Variants in SPINK5 observed in about 807,000 individuals in gnomAD.
SPINK5 encodes serine peptidase inhibitor Kazal type 5.
A neutral mutation model predicts 151.8 loss-of-function variants in SPINK5; 125 were observed. The ratio of observed to expected loss-of-function variants is 0.82; its 90% CI spans 0.71 to 0.96. SPINK5 has a LOEUF of 0.96. Ranked by LOEUF, SPINK5 falls within the 40% of genes least tolerant of loss-of-function variation. The probability of loss-of-function intolerance (pLI) is 0.00; values close to 1 mark genes in which losing one functional copy is unlikely to be tolerated. For synonymous variants in SPINK5, 374 were observed against 395.3 expected, an observed-to-expected ratio of 0.95 and a Z score of 0.64; for missense variants, 1,194 against 1,291.9, an observed-to-expected ratio of 0.92 and a Z score of 1.16.
intron 9 of SPINK5, among the ~76,000 whole-genome samples, 155 bp downstream of exon 9, chr5:148,094,636 G>T (rs1179239774): frequency 6.6e-6 from 1 of 151,978 alleles, no homozygotes; most frequent in Non-Finnish European, 1.5e-5. Context: ...CACCTAGTGA[G>T]CAGGCACTAC....
intron 32 of SPINK5, 27 bp from the exon 33 acceptor site, chr5:148,136,956 A>T: frequency 6.2e-7 from 1 of 1,613,668 alleles, no homozygotes; most frequent in Non-Finnish European, 8.5e-7. Flanking sequence ...GGGTTCTAGC[A>T]TCTAACCTAC....
At chr5:148,104,917 A>G (rs747175907) in intron 15 of SPINK5, 35 bp from the exon 16 acceptor site, 2 of 1,592,802 alleles carry the variant, frequency 1.3e-6, no homozygotes, top group African/African-American at 2.7e-5. Context: ...AAAAAAATCC[A>G]TTTCTTCTCT....
chr5:148,122,866 AT>A (rs111936279), intron 26 of SPINK5, among the ~76,000 whole-genome samples: 97 of 127,804 alleles, frequency 7.6e-4, no homozygotes, highest in Middle Eastern at 4.2e-3. Context: ...TCGCACAATA[AT>A]TTTTTTTTTT....
intron 4 of SPINK5, among the ~76,000 whole-genome samples, chr5:148,074,631 A>G (rs1029766491): frequency 1.3e-5 from 2 of 151,772 alleles, no homozygotes; most frequent in African/African-American, 4.8e-5. Context: ...TGGTTTCCAT[A>G]TACATGTTAG....
At chr5:148,099,441 G>A in intron 12 of SPINK5, 126 bp downstream of exon 12, 1 of 719,640 alleles carries the variant, frequency 1.4e-6, no homozygotes, top group Non-Finnish European at 2.4e-6. Context: ...TCTGGGGATG[G>A]TATTGAGATG....
chr5:148,082,614 T>C (rs1184493384), intron 4 of SPINK5, among the ~76,000 whole-genome samples: 8 of 40,686 alleles, frequency 2.0e-4, no homozygotes, highest in Non-Finnish European at 3.3e-4. Flanking sequence ...TTTTTTTTTT[T>C]TTTTTTTTTT....
At chr5:148,095,202 C>T (rs1361573174) in intron 9 of SPINK5, among the ~76,000 whole-genome samples, 2 of 152,010 alleles carry the variant, frequency 1.3e-5, no homozygotes, top group Non-Finnish European at 2.9e-5. Flanking sequence ...TAACCACCAT[C>T]ACAGTTGGCA....
intron 26 of SPINK5, among the ~76,000 whole-genome samples, chr5:148,121,486 C>T (rs557104033): frequency 6.4e-4 from 97 of 151,928 alleles, no homozygotes; most frequent in African/African-American, 2.2e-3. Context: ...TTGTGTGTTA[C>T]GGTAGATGAA....
At position 148,100,579 on chromosome 5, in the gene SPINK5, C is replaced by T. The variant is rs1581080925; in HGVS notation, c.1218C>T (p.Phe406=). The T allele has an allele frequency of 2.5e-6, 4 of 1,612,894 alleles. No homozygotes were observed. Among genetic ancestry groups the T allele is most frequent in the Non-Finnish European group, 3.4e-6 (4 of 1,179,204 alleles). ...HGNTCSMCEV[F]FQAEEEEKKK... ...ACACCTGCTCCATGTGTGAGGTCTT[C>T]TTGTGAGTAGCCCTGCAGCTGGGAA... Residue 406 remains phenylalanine, a splice_region_variant and synonymous_variant, in exon 13 of 33, where the codon TTC becomes TTT. Transcript: ENST00000256084.
At position 148,112,660 on chromosome 5, in the gene SPINK5, A is replaced by G. The variant is rs138483982; in HGVS notation, c.1821-208A>G. ...TGCACTCCAGCCTGGCAACAGAGTG[A>G]GACTCCATCTCAAAAAAAAACCAAA... On this transcript the variant is annotated intron_variant, in intron 19 of 32. Coordinates refer to ENST00000256084, the MANE Select transcript of SPINK5 (RefSeq NM_006846.4). Among the ~76,000 whole-genome samples, 22,920 of 151,542 alleles carry G rather than the reference A, an allele frequency of 0.15. 2,378 individuals are homozygous for G. Among genetic ancestry groups the G allele is most frequent in the East Asian group, 0.32 (1,640 of 5,128 alleles).
intron 26 of SPINK5, 80 bp from the exon 27 acceptor site, chr5:148,123,753 A>G: frequency 6.3e-7 from 1 of 1,590,856 alleles, no homozygotes; most frequent in South Asian, 1.1e-5. Context: ...TTATGAGTTT[A>G]TATCTAATCG....
chr5:148,101,166 T>C (rs1235124711), intron 13 of SPINK5, among the ~76,000 whole-genome samples, 189 bp from the exon 14 acceptor site: 1 of 152,104 alleles, frequency 6.6e-6, no homozygotes, highest in East Asian at 1.9e-4. Flanking sequence ...AGTTTATTTG[T>C]ATGTTGGGGT....
At chr5:148,084,026 T>G (rs1381392030) in intron 4 of SPINK5, among the ~76,000 whole-genome samples, 1 of 151,906 alleles carries the variant, frequency 6.6e-6, no homozygotes, top group African/African-American at 2.4e-5. Context: ...TTCTTGTTAT[T>G]GTTTTACATT....
intron 20 of SPINK5, 87 bp from the exon 21 acceptor site, chr5:148,114,275 T>G: frequency 7.1e-7 from 1 of 1,402,938 alleles, no homozygotes; most frequent in Non-Finnish European, 9.5e-7. Flanking sequence ...TCTCTCTTTT[T>G]TTTTTTTCTA....
rs530449552 is a variant in SPINK5 at position 148,095,753 on chromosome 5, C to T, written c.795-65C>T. ...CAACTTAGATATTTTTCCATCTATACCTAATGACTGTTTTGTAACATGAAG... is the reference window on the plus strand; with the variant it reads ...CAACTTAGATATTTTTCCATCTATATCTAATGACTGTTTTGTAACATGAAG... On this transcript the variant is annotated intron_variant, in intron 9 of 32. Coordinates refer to ENST00000256084, the MANE Select transcript of SPINK5 (RefSeq NM_006846.4). 2.8e-5 allele frequency: 38 copies of T among 1,362,836 alleles called. No individual in the cohort carries two copies. The South Asian group carries it at 4.3e-4, about 16-fold the overall frequency. The allele number at this position is 1,362,836 out of a possible 1,614,324, so 84.4% of individuals were successfully genotyped here.
At chr5:148,077,958 C>T (rs1752926976) in intron 4 of SPINK5, among the ~76,000 whole-genome samples, 1 of 150,786 alleles carries the variant, frequency 6.6e-6, no homozygotes, top group Admixed American at 6.6e-5. Flanking sequence ...GTAAATACAA[C>T]CATAAAAGTG....
Position 148,133,874 on chromosome 5 carries a change from G to C in SPINK5, c.3173G>C (p.Ser1058Thr). The stretch of plus-strand genomic sequence containing the variant: ...AGCACCCCAGGAACCACCGCAGCCA[G>C]CATGCCCCCGTCTGTAAGTACATAA... Reference protein sequence around the residue: ...ESSTPGTTAASMPPSDE With the variant: ...ESSTPGTTAATMPPSDE The change falls in exon 32 of 33, where the codon AGC becomes ACC. Residue 1058 changes from serine to threonine, a missense_variant. By Grantham distance (58) the Ser-to-Thr change is moderately conservative (BLOSUM62 1). Coordinates refer to ENST00000256084, the MANE Select transcript of SPINK5 (RefSeq NM_006846.4). 6.2e-7 allele frequency: 1 copy of C among 1,613,974 alleles called. No individual in the cohort carries two copies.
At chr5:148,104,147 T>C (rs1182941122) in intron 15 of SPINK5, among the ~76,000 whole-genome samples, 3 of 152,194 alleles carry the variant, frequency 2.0e-5, no homozygotes, top group Admixed American at 1.3e-4. Flanking sequence ...TAGCAACTCA[T>C]TTAATGCTCT....
intron 4 of SPINK5, among the ~76,000 whole-genome samples, chr5:148,073,765 TAC>T (rs1394388054): frequency 5.5e-5 from 8 of 144,806 alleles, no homozygotes; most frequent in South Asian, 2.2e-4. Flanking sequence ...AAAATAAAAT[TAC>T]AGTCTTAAGA....
Sources: gnomAD v4.1 joint callset for allele counts (sites outside exome capture counted in the v4.1 genomes callset) on GRCh38, gnomAD v4.1.1 for gene constraint, MANE v1.5 for transcripts, NCBI Gene and HGNC (gene_info 2026-07-23, HGNC 2026-07-21) for gene names.